Variants in FSTL5 observed in about 807,000 individuals in gnomAD.
The protein encoded by FSTL5 is follistatin-related protein 5.
FSTL5 carries 62 observed loss-of-function variants against 89.1 expected under a neutral mutation model. That is an observed-to-expected ratio of 0.70 (90% CI 0.57 to 0.86). FSTL5 has a LOEUF of 0.86. Ranked by LOEUF, FSTL5 falls within the 40% of genes least tolerant of loss-of-function variation. The pLI, the probability that FSTL5 is intolerant of heterozygous loss-of-function variation, is 0.00. For missense variants in FSTL5, 1,057 were observed against 1,001.6 expected (o/e 1.06, Z -0.75); for synonymous variants, 383 against 346.2 (o/e 1.11, Z -1.18).
At chr4:162,056,069 G>T (rs537432304) in intron 2 of FSTL5, among the ~76,000 whole-genome samples, 1 of 151,896 alleles carries the variant, frequency 6.6e-6, no homozygotes, top group African/African-American at 2.4e-5. Context: ...ATGAAACCCT[G>T]TAGAAATATT....
chr4:161,663,128 G>A (rs999099314), intron 6 of FSTL5, among the ~76,000 whole-genome samples: 5 of 152,024 alleles, frequency 3.3e-5, no homozygotes, highest in Admixed American at 2.0e-4. Context: ...CGGGAGATAG[G>A]ATTCAAGATG....
intron 4 of FSTL5, among the ~76,000 whole-genome samples, chr4:161,785,258 C>T (rs1283908169): frequency 1.3e-5 from 2 of 152,280 alleles, no homozygotes; most frequent in Admixed American, 6.5e-5. Context: ...GAAAGTACAG[C>T]TTTACTGTTA....
intron 12 of FSTL5, among the ~76,000 whole-genome samples, chr4:161,496,803 T>TAGAGATAGAGAC (rs1288712886): frequency 5.3e-5 from 8 of 150,762 alleles, no homozygotes; most frequent in Non-Finnish European, 1.2e-4. Flanking sequence ...GAGATAGAGA[T>TAGAGATAGAGAC]AGAGATAGAG....
chr4:161,560,600 T>G (rs568611046), intron 8 of FSTL5, among the ~76,000 whole-genome samples: 59 of 152,026 alleles, frequency 3.9e-4, no homozygotes, highest in African/African-American at 1.4e-3. Context: ...TTAATTTTAA[T>G]TTTTCCTTTT....
rs1733598730 is a variant in FSTL5 at position 162,159,160 on chromosome 4, CAA to C, written c.-17+4453_-17+4454del. 3.3e-5 allele frequency among the ~76,000 whole-genome samples: 5 copies of C among 151,878 alleles called. No individual in the cohort carries two copies. In the South Asian group the frequency reaches 1.0e-3, roughly 31 times the overall value. On this transcript the variant is annotated intron_variant, in intron 1 of 15. Transcript: ENST00000306100. ...AATAATAACTCAAGAGACAAAAAAA[CAA>C]TATCTAGTGGTCCAACTACAAAAGG...
At chr4:162,111,681 TA>T (rs959387705) in intron 1 of FSTL5, among the ~76,000 whole-genome samples, 5 of 151,708 alleles carry the variant, frequency 3.3e-5, no homozygotes, top group African/African-American at 7.3e-5. Context: ...AAAAAGTTAA[TA>T]AAAAAAGGTT....
intron 6 of FSTL5, among the ~76,000 whole-genome samples, chr4:161,693,591 T>C (rs1332500818): frequency 1.3e-5 from 2 of 151,968 alleles, no homozygotes; most frequent in Non-Finnish European, 2.9e-5. Context: ...ATCTAGATTG[T>C]CTATTTTGTT....
chr4:161,557,146 CACTTTAT>C (rs1455281513), intron 8 of FSTL5, among the ~76,000 whole-genome samples: 2 of 151,320 alleles, frequency 1.3e-5, no homozygotes, highest in African/African-American at 4.8e-5. Flanking sequence ...TGAGTATCAT[CACTTTAT>C]ACTTTAACCA....
At chr4:161,471,218 C>T (rs558481060) in intron 13 of FSTL5, among the ~76,000 whole-genome samples, 54 of 152,254 alleles carry the variant, frequency 3.5e-4, no homozygotes, top group African/African-American at 1.3e-3. Context: ...TTATATGTTG[C>T]CATAGTTTCT....
At chr4:162,116,385 G>T (rs929171462) in intron 1 of FSTL5, among the ~76,000 whole-genome samples, 2 of 152,198 alleles carry the variant, frequency 1.3e-5, no homozygotes, top group Non-Finnish European at 2.9e-5. Flanking sequence ...CGCATGTACC[G>T]TTAGCATATA....
At chr4:161,706,508 C>T (rs1738585458) in intron 6 of FSTL5, among the ~76,000 whole-genome samples, 1 of 151,932 alleles carries the variant, frequency 6.6e-6, no homozygotes, top group Non-Finnish European at 1.5e-5. Flanking sequence ...ACTAAATGTC[C>T]TATTGCCTAT....
intron 6 of FSTL5, among the ~76,000 whole-genome samples, chr4:161,743,000 C>A (rs1028630851): frequency 1.3e-5 from 2 of 151,916 alleles, no homozygotes; most frequent in African/African-American, 4.8e-5. Context: ...AGTTTCCTAC[C>A]ATTCCTTGGG....
chr4:161,392,865 A>C (rs1385229262), intron 15 of FSTL5, among the ~76,000 whole-genome samples: 1 of 152,066 alleles, frequency 6.6e-6, no homozygotes, highest in African/African-American at 2.4e-5. Flanking sequence ...AGTAAGATGA[A>C]ACAAAGGCAA....
At chr4:161,461,297 C>CAAAAAAAAAAAAAAAAA (rs1733568951) in intron 13 of FSTL5, among the ~76,000 whole-genome samples, 1 of 92,702 alleles carries the variant, frequency 1.1e-5, no homozygotes, top group African/African-American at 4.5e-5. Flanking sequence ...ACAAAAAAAA[C>CAAAAAAAAAAAAAAAAA]AAACAAACAA....
intron 7 of FSTL5, among the ~76,000 whole-genome samples, chr4:161,646,153 A>G (rs573512740): frequency 6.5e-4 from 96 of 148,126 alleles, no homozygotes; most frequent in African/African-American, 2.2e-3. Context: ...TTTCTCATAT[A>G]TTTGTATATA....
chr4:161,428,353 T>C (rs1477716101), intron 15 of FSTL5, among the ~76,000 whole-genome samples: 2 of 152,134 alleles, frequency 1.3e-5, no homozygotes, highest in Non-Finnish European at 2.9e-5. Context: ...GCCAGCAGAA[T>C]AGGGTGGCAC....
At chr4:161,991,157 T>C (rs1578924686) in intron 3 of FSTL5, among the ~76,000 whole-genome samples, 1 of 152,308 alleles carries the variant, frequency 6.6e-6, no homozygotes, top group South Asian at 2.1e-4. Context: ...ATGTTTTAAT[T>C]TCATATAACT....
intron 10 of FSTL5, among the ~76,000 whole-genome samples, chr4:161,513,272 G>GGGGGGAGAGAGAGA (rs1349844190): frequency 7.3e-5 from 8 of 110,022 alleles, no homozygotes; most frequent in African/African-American, 2.8e-4. Context: ...ACAAGGAGGG[G>GGGGGGAGAGAGAGA]GAGAGAGAGA....
intron 15 of FSTL5, among the ~76,000 whole-genome samples, chr4:161,445,595 G>A (rs946973671): frequency 6.6e-5 from 10 of 151,914 alleles, no homozygotes; most frequent in Non-Finnish European, 1.2e-4. Context: ...ATTAAAAGAT[G>A]TTAAAACAGA....
Sources: gnomAD v4.1 joint callset for allele counts (sites outside exome capture counted in the v4.1 genomes callset) on GRCh38, gnomAD v4.1.1 for gene constraint, MANE v1.5 for transcripts, NCBI Gene and HGNC (gene_info 2026-07-23, HGNC 2026-07-21) for gene names.